Variants in ADGRL3 observed in about 807,000 individuals in gnomAD.
The protein encoded by ADGRL3 is adhesion G protein-coupled receptor L3, also known as calcium-independent alpha-latrotoxin receptor 3.
ADGRL3 carries 62 observed loss-of-function variants against 153.5 expected under a neutral mutation model. The ratio of observed to expected loss-of-function variants is 0.40; its 90% CI spans 0.33 to 0.50. The LOEUF (loss-of-function observed/expected upper bound fraction) is 0.50, where lower values mean the gene tolerates loss of function less well. ADGRL3 is among the 20% of genes least tolerant of loss of function. ADGRL3 has a pLI of 0.47. For missense variants in ADGRL3, 1,641 were observed against 1,859.4 expected, an observed-to-expected ratio of 0.88 and a Z score of 2.16; for synonymous variants, 710 against 672.5, an observed-to-expected ratio of 1.06 and a Z score of -0.86.
At chr4:61,972,755 G>A (rs1410219141) in intron 17 of ADGRL3, among the ~76,000 whole-genome samples, 2 of 151,992 alleles carry the variant, frequency 1.3e-5, no homozygotes, top group Non-Finnish European at 2.9e-5. Context: ...GGGCAGTATG[G>A]CCATTTTCAC....
intron 2 of ADGRL3, among the ~76,000 whole-genome samples, chr4:61,444,582 T>C (rs1240284919): frequency 6.6e-6 from 1 of 152,064 alleles, no homozygotes; most frequent in Admixed American, 6.6e-5. Flanking sequence ...TTCCCCCTCT[T>C]CTCCCATGCT....
intron 1 of ADGRL3, among the ~76,000 whole-genome samples, chr4:61,245,092 C>A (rs560474897): frequency 4.6e-5 from 7 of 151,998 alleles, no homozygotes; most frequent in Non-Finnish European, 7.4e-5. Flanking sequence ...CTTGTGCATT[C>A]TTGTTTCCTT....
chr4:61,683,966 GAGA>G (rs1191367707), intron 6 of ADGRL3, among the ~76,000 whole-genome samples: 1 of 152,152 alleles, frequency 6.6e-6, no homozygotes, highest in Non-Finnish European at 1.5e-5. Flanking sequence ...ACTTTCCTGA[GAGA>G]AGAAGGGCAA....
Position 62,075,659 on chromosome 4 carries a change from TA to T in ADGRL3, c.*4752del, listed in dbSNP as rs757430473. 3.1e-4 allele frequency: 47 copies of T among 152,294 alleles called. No individual in the cohort carries two copies. The highest frequency in any genetic ancestry group is 6.2e-4 in the Non-Finnish European group (42 of 68,032). 9.4% of individuals were successfully genotyped at this position (152,294 alleles called of 1,614,324 possible). A position where few individuals can be genotyped will look rare whatever the true frequency, so the allele number is the denominator to read the frequency against. On this transcript the variant is annotated 3_prime_UTR_variant, in exon 27 of 27. Coordinates refer to ENST00000683033, the MANE Select transcript of ADGRL3 (RefSeq NM_001387552.1). ...TAAGTAACGTTTTCAATATAGCTTA[TA>T]TTAGATTTCTGCACATCATTAAATT...
At chr4:61,738,080 C>T (rs2096540186) in intron 8 of ADGRL3, among the ~76,000 whole-genome samples, 1 of 151,962 alleles carries the variant, frequency 6.6e-6, no homozygotes, top group African/African-American at 2.4e-5. Context: ...CTCATCCCCT[C>T]CCACCCTTTC....
chr4:61,361,237 A>T (rs1438113691), intron 1 of ADGRL3, among the ~76,000 whole-genome samples: 1 of 152,148 alleles, frequency 6.6e-6, no homozygotes, highest in Non-Finnish European at 1.5e-5. Context: ...GGGTTTAATA[A>T]TAATAATTAT....
chr4:61,981,604 C>T (rs2099068662), intron 18 of ADGRL3, among the ~76,000 whole-genome samples: 2 of 152,018 alleles, frequency 1.3e-5, no homozygotes, highest in Admixed American at 6.6e-5. Context: ...AAATAATAGA[C>T]AATATCTTCA....
chr4:62,001,313 A>G (rs564657734), intron 21 of ADGRL3, among the ~76,000 whole-genome samples: 16 of 152,134 alleles, frequency 1.1e-4, no homozygotes, highest in Non-Finnish European at 2.2e-4. Context: ...ATCCGTTTCC[A>G]CTGAGACTGG....
chr4:61,648,025 G>A (rs1303504021), intron 5 of ADGRL3, among the ~76,000 whole-genome samples: 4 of 152,108 alleles, frequency 2.6e-5, no homozygotes, highest in African/African-American at 9.7e-5. Context: ...CTTATAAAAT[G>A]TGTATGTTCC....
At chr4:62,027,072 C>T (rs1448226942) in intron 21 of ADGRL3, among the ~76,000 whole-genome samples, 4 of 151,866 alleles carry the variant, frequency 2.6e-5, no homozygotes, top group Non-Finnish European at 5.9e-5. Context: ...TTATTCGAAT[C>T]GTGAACAGGA....
Position 61,541,896 on chromosome 4 carries a change from CTCG to C in ADGRL3, c.259+24381_259+24383del, listed in dbSNP as rs374795749. Among the ~76,000 whole-genome samples the C allele has an allele frequency of 2.6e-4, 39 of 151,684 alleles. 1 individual carries two copies. The highest frequency in any genetic ancestry group is 9.4e-4 in the African/African-American group (39 of 41,402). ...ACACACTAGTATTTCAGTAGCTGAG[CTCG>C]TCAAGTTTTTGAAACCATTTTAAAT... On this transcript the variant is annotated intron_variant, in intron 4 of 26. Coordinates refer to ENST00000683033, the MANE Select transcript of ADGRL3 (RefSeq NM_001387552.1).
chr4:61,999,750 T>C (rs1411592611), intron 21 of ADGRL3, among the ~76,000 whole-genome samples: 3 of 152,176 alleles, frequency 2.0e-5, no homozygotes, highest in Admixed American at 2.0e-4. Context: ...AAGACTTTAG[T>C]GACTAAGGTG....
At chr4:61,946,871 TAAGTA>T in intron 15 of ADGRL3, 38 bp from the exon 16 acceptor site, 1 of 1,443,394 alleles carries the variant, frequency 6.9e-7, no homozygotes, top group Non-Finnish European at 9.8e-7. Flanking sequence ...CTAACTAATT[TAAGTA>T]GAGTGGACAA....
intron 1 of ADGRL3, among the ~76,000 whole-genome samples, chr4:61,285,172 T>C (rs1376178838): frequency 6.6e-6 from 1 of 151,856 alleles, no homozygotes; most frequent in Non-Finnish European, 1.5e-5. Flanking sequence ...ATAAAAAATA[T>C]CGTATCACTG....
At chr4:61,739,105 T>G (rs2096552469) in intron 8 of ADGRL3, among the ~76,000 whole-genome samples, 1 of 152,170 alleles carries the variant, frequency 6.6e-6, no homozygotes, top group South Asian at 2.1e-4. Context: ...GATACTGCTA[T>G]TTAGCATTCA....
intron 4 of ADGRL3, among the ~76,000 whole-genome samples, chr4:61,576,905 A>G (rs1346064217): frequency 6.6e-6 from 1 of 151,862 alleles, no homozygotes; most frequent in Non-Finnish European, 1.5e-5. Context: ...ATGGGTGAAT[A>G]AAGGGGAATA....
chr4:61,457,678 G>A (rs2097768775), intron 2 of ADGRL3, among the ~76,000 whole-genome samples: 1 of 151,880 alleles, frequency 6.6e-6, no homozygotes, highest in African/African-American at 2.4e-5. Context: ...TGAACCAGCA[G>A]TTAGGATTCA....
rs1017588900 is a variant in ADGRL3 at position 61,282,116 on chromosome 4, T to G, written c.-240+80351T>G. Among the ~76,000 whole-genome samples the G allele has an allele frequency of 3.9e-5, 6 of 152,212 alleles. No individual in the cohort carries two copies. The South Asian group carries it at 6.2e-4, about 16-fold the overall frequency. ...AAATTAAATATAATAAAATAAAAAC[T>G]GATAACTTCAGTCTCCTCTAATCAT... is the stretch of plus-strand genomic sequence containing the variant. On this transcript the variant is annotated intron_variant, in intron 1 of 26. Transcript: ENST00000683033.
chr4:61,650,051 T>C (rs1354555489), intron 5 of ADGRL3, among the ~76,000 whole-genome samples: 5 of 152,128 alleles, frequency 3.3e-5, no homozygotes, highest in Non-Finnish European at 5.9e-5. Flanking sequence ...CCTGCTCTTT[T>C]GGAAGAATAC....
Sources: gnomAD v4.1 joint callset for allele counts (sites outside exome capture counted in the v4.1 genomes callset) on GRCh38, gnomAD v4.1.1 for gene constraint, MANE v1.5 for transcripts, NCBI Gene and HGNC (gene_info 2026-07-23, HGNC 2026-07-21) for gene names.